The following IL17RD variants were observed in gnomAD, a reference collection of about 807,000 sequenced individuals.
IL17RD encodes the protein interleukin 17 receptor D, also known as interleukin-17 receptor D.
A neutral mutation model predicts 80.5 loss-of-function variants in IL17RD; 52 were observed. The ratio of observed to expected loss-of-function variants is 0.65; its 90% CI spans 0.52 to 0.81. The LOEUF is 0.81. Ranked by LOEUF, IL17RD falls within the 40% of genes least tolerant of loss-of-function variation. IL17RD has a pLI of 0.00. For synonymous variants in IL17RD, 416 were observed against 391.8 expected, an observed-to-expected ratio of 1.06 and a Z score of -0.73; for missense variants, 1,024 against 955.1, an observed-to-expected ratio of 1.07 and a Z score of -0.95.
In IL17RD at chr3:57,114,792, C is replaced by T; in HGVS notation, c.210G>A (p.Val70=). The T allele has an allele frequency of 6.2e-7, 1 of 1,609,148 alleles. No homozygotes were observed. Among genetic ancestry groups the T allele is most frequent in the South Asian group, 1.1e-5 (1 of 90,190 alleles). The change falls in exon 3 of 13, where the codon GTG becomes GTA. Residue 70 remains valine, a synonymous_variant. Coordinates refer to ENST00000296318, the MANE Select transcript of IL17RD (RefSeq NM_017563.5). ...GGGCGTCAGCAATCACATGCTTCCC[C>T]ACTGGATTCAAGTAGGTGGTACAAT... ...YDNCTTYLNP[V]GKHVIADAQN... is the part of the protein sequence containing the mutation.
intron 11 of IL17RD, among the ~76,000 whole-genome samples, chr3:57,099,183 T>C (rs1252221422): frequency 6.6e-6 from 1 of 152,220 alleles, no homozygotes; most frequent in African/African-American, 2.4e-5. Context: ...GCTAGTGAAC[T>C]GCATTAACAT....
chr3:57,119,050 A>G (rs1707275449), intron 2 of IL17RD, among the ~76,000 whole-genome samples: 1 of 151,792 alleles, frequency 6.6e-6, no homozygotes, highest in African/African-American at 2.4e-5. Context: ...TACTAAAAAT[A>G]CAAAAACTAA....
chr3:57,120,445 A>C, intron 1 of IL17RD, 132 bp from the exon 2 acceptor site: 5 of 657,296 alleles, frequency 7.6e-6, no homozygotes, highest in South Asian at 3.6e-5. Flanking sequence ...ATCATCCACC[A>C]CTCTTTCTGC....
intron 12 of IL17RD, 104 bp downstream of exon 12, chr3:57,097,492 T>C (rs543958543): frequency 1.1e-5 from 9 of 842,412 alleles, no homozygotes; most frequent in Middle Eastern, 2.2e-4. Context: ...TCAGGTTTCA[T>C]TGCCCAATAA....
At chr3:57,156,986 C>G (rs760643608) in intron 1 of IL17RD, among the ~76,000 whole-genome samples, 2 of 152,174 alleles carry the variant, frequency 1.3e-5, no homozygotes, top group Admixed American at 6.5e-5. Context: ...CTCAATGCAT[C>G]ACTGCAATGT....
chr3:57,108,357 TG>T (rs1487379917), intron 5 of IL17RD, among the ~76,000 whole-genome samples: 1 of 151,840 alleles, frequency 6.6e-6, no homozygotes, highest in Non-Finnish European at 1.5e-5. Flanking sequence ...CCAGGCCAGC[TG>T]TCTTTTTTAA....
At chr3:57,102,376 G>A (rs1234120519) in intron 10 of IL17RD, 103 bp downstream of exon 10, 3 of 493,554 alleles carry the variant, frequency 6.1e-6, no homozygotes, top group African/African-American at 3.9e-5. Context: ...AGGCTTCCCA[G>A]GCGCCATCCT....
intron 3 of IL17RD, among the ~76,000 whole-genome samples, chr3:57,110,993 T>G (rs1707084077): frequency 6.6e-6 from 1 of 152,104 alleles, no homozygotes; most frequent in Admixed American, 6.6e-5. Context: ...TCCTGCCACC[T>G]GAGCTCCCCC....
chr3:57,135,200 G>A (rs1009510159), intron 1 of IL17RD, among the ~76,000 whole-genome samples: 5 of 152,194 alleles, frequency 3.3e-5, no homozygotes, highest in African/African-American at 1.2e-4. Flanking sequence ...TGTCAGGTGA[G>A]CAGCACTGCT....
intron 1 of IL17RD, among the ~76,000 whole-genome samples, chr3:57,163,369 G>T (rs561474282): frequency 6.6e-6 from 1 of 152,238 alleles, no homozygotes; most frequent in East Asian, 1.9e-4. Flanking sequence ...TGAGGGTGCA[G>T]GTTTGGGAGA....
Position 57,101,328 on chromosome 3 carries a change from C to T in IL17RD, c.1015G>A (p.Glu339Lys), listed in dbSNP as rs764987138. 1 of 1,612,326 alleles carries T rather than the reference C, an allele frequency of 6.2e-7. No individual in the cohort carries two copies. The highest frequency in any genetic ancestry group is 1.1e-5 in the South Asian group (1 of 90,910). The change falls in exon 11 of 13, where the codon GAG becomes AAG. Residue 339 changes from glutamate (E) to lysine (K), a missense_variant. Physicochemically the swap from Glu to Lys is moderately conservative, Grantham distance 56 (BLOSUM62 1). Transcript: ENST00000296318. ...AGTGCTGCAGTGTATGTGGAAGACT[C>T]AGAGCTCTCTTCATCTAAATGTGAA... is the stretch of plus-strand genomic sequence containing the variant. Reference protein sequence around the residue: ...IYSHLDEESSESSTYTAALPR... With the variant: ...IYSHLDEESSKSSTYTAALPR...
intron 12 of IL17RD, 33 bp downstream of exon 12, chr3:57,097,563 G>GT: frequency 6.7e-7 from 1 of 1,500,602 alleles, no homozygotes; most frequent in Non-Finnish European, 9.1e-7. Context: ...AAAGGCTGCG[G>GT]CCTGTTAGGA....
At chr3:57,163,287 C>T (rs544969612) in intron 1 of IL17RD, among the ~76,000 whole-genome samples, 2 of 152,190 alleles carry the variant, frequency 1.3e-5, no homozygotes, top group East Asian at 1.9e-4. Context: ...GAAAAGTCAC[C>T]CCCAACTAGG....
Position 57,105,974 on chromosome 3 carries a change from A to G in IL17RD, c.630T>C (p.His210=), listed in dbSNP as rs768567459. The stretch of plus-strand genomic sequence containing the variant: ...CGAAGGACACCTGCATGTCCGAGCC[A>G]TGCTGGCTGATGTTCAGGTTCCGAG... ...WKPRNLNISQ[H]GSDMQVSFDH... is the part of the protein sequence containing the mutation. Residue 210 remains histidine, a synonymous_variant, in exon 7 of 13, where the codon CAT becomes CAC. Transcript: ENST00000296318. 1 of 1,614,008 alleles carries G rather than the reference A, an allele frequency of 6.2e-7. No individual in the cohort carries two copies. The highest frequency in any genetic ancestry group is 8.5e-7 in the Non-Finnish European group (1 of 1,179,888).
rs754347130 is a variant in IL17RD, at chr3:57,110,311, C to G, written c.311G>C (p.Gly104Ala). ...CCGAAATCCTTTCAGGAATTCGATG[C>G]CTAAGCAAAGCAGAATGCTTTTATT... ...VTILWSPGAL[G>A]IEFLKGFRVI... The change falls in exon 4 of 13, where the codon GGC becomes GCC. Residue 104 changes from glycine (G) to alanine (A), a missense_variant and splice_region_variant. Transcript: ENST00000296318. 7.5e-6 allele frequency: 12 copies of G among 1,591,026 alleles called. No individual in the cohort carries two copies. The African/African-American group carries it at 1.6e-4, about 21-fold the overall frequency.
chr3:57,126,922 T>G (rs1478955413), intron 1 of IL17RD, among the ~76,000 whole-genome samples: 2 of 151,562 alleles, frequency 1.3e-5, no homozygotes, highest in Non-Finnish European at 2.9e-5. Context: ...CCTCCCAGGT[T>G]CAAGTGATCC....
At position 57,092,978 on chromosome 3, in the gene IL17RD, T is replaced by A. The variant is rs945293206; in HGVS notation, c.*3415A>T. On this transcript the variant is annotated 3_prime_UTR_variant, in exon 13 of 13. Coordinates refer to ENST00000296318, the MANE Select transcript of IL17RD (RefSeq NM_017563.5). ...TTGCCAATATTTTTTAAAATCAGAA[T>A]TTTTCATATAAAAATCCAGATTGTC... is the stretch of plus-strand genomic sequence containing the variant. 1.3e-5 allele frequency: 2 copies of A among 152,092 alleles called. No individual in the cohort carries two copies. The highest frequency in any genetic ancestry group is 4.8e-5 in the African/African-American group (2 of 41,398). The allele number at this position is 152,092 out of a possible 1,614,324, so 9.4% of individuals were successfully genotyped here. A position where few individuals can be genotyped will look rare whatever the true frequency, so the allele number is the denominator to read the frequency against.
chr3:57,119,511 A>C (rs950171119), intron 2 of IL17RD, among the ~76,000 whole-genome samples: 2 of 152,216 alleles, frequency 1.3e-5, no homozygotes, highest in Admixed American at 1.3e-4. Context: ...CCTGGGTGAC[A>C]GAGTGAGACT....
chr3:57,141,982 A>C (rs1371214773), intron 1 of IL17RD, among the ~76,000 whole-genome samples: 1 of 152,158 alleles, frequency 6.6e-6, no homozygotes, highest in Non-Finnish European at 1.5e-5. Context: ...AAGGACCAAG[A>C]GCAGCCCCTG....
Sources: allele counts gnomAD v4.1 joint callset (sites outside exome capture counted in the v4.1 genomes callset), GRCh38; gene constraint gnomAD v4.1.1; transcripts MANE v1.5; gene names NCBI Gene and HGNC (gene_info 2026-07-23, HGNC 2026-07-21).